The following SDR42E1 variants were observed in gnomAD, a reference collection of about 807,000 sequenced individuals.
The protein encoded by SDR42E1 is short chain dehydrogenase/reductase family 42E, member 1.
In SDR42E1, 5 loss-of-function variants were observed where a neutral mutation model predicts 2.6. The ratio of observed to expected loss-of-function variants is 1.94; its 90% CI spans 1.01 to 4.08. SDR42E1 has a LOEUF of 4.08. Ranked by LOEUF, SDR42E1 falls within the 30% of genes most tolerant of loss-of-function variation. SDR42E1 has a pLI of 0.00. For synonymous variants in SDR42E1, 231 were observed against 188.3 expected, an observed-to-expected ratio of 1.23 and a Z score of -1.86; for missense variants, 596 against 478.6, an observed-to-expected ratio of 1.25 and a Z score of -2.29.
intron 1 of SDR42E1, among the ~76,000 whole-genome samples, chr16:82,005,934 C>G (rs1912919567): frequency 1.3e-5 from 2 of 152,170 alleles, no homozygotes; most frequent in Non-Finnish European, 2.9e-5. Context: ...AAGTTGACAT[C>G]TCAAGGGAAG....
intron 1 of SDR42E1, among the ~76,000 whole-genome samples, chr16:82,004,590 T>G (rs1912874930): frequency 6.6e-6 from 1 of 152,206 alleles, no homozygotes; most frequent in Non-Finnish European, 1.5e-5. Context: ...AACCTTGATT[T>G]CCTGGCCTCA....
Position 81,999,174 on chromosome 16 carries a change from C to T in SDR42E1, c.1119G>A (p.Leu373=). ...DSECFVWDGL[L]VFLLIIAVLM... ...GAACTGCTATAATCAGGAGGAAGAC[C>T]AATAGCCCATCCCAAACAAAACACT... Residue 373 remains leucine, a synonymous_variant, in exon 3 of 3, where the codon TTG becomes TTA. Coordinates refer to ENST00000328945, the MANE Select transcript of SDR42E1 (RefSeq NM_145168.3). 1 of 1,614,162 alleles carries T rather than the reference C, an allele frequency of 6.2e-7. No individual in the cohort carries two copies. Among genetic ancestry groups the T allele is most frequent in the Non-Finnish European group, 8.5e-7 (1 of 1,180,044 alleles).
rs1383900719 is a variant in SDR42E1 at position 81,992,130 on chromosome 16, T to A, written c.*6981A>T. The A allele has an allele frequency of 6.6e-6, 1 of 152,096 alleles. No homozygotes were observed. Among genetic ancestry groups the A allele is most frequent in the Non-Finnish European group, 1.5e-5 (1 of 68,138 alleles). 9.4% of individuals were successfully genotyped at this position (152,096 alleles called of 1,614,324 possible). A position where few individuals can be genotyped will look rare whatever the true frequency, so the allele number is the denominator to read the frequency against. ...GAGATCACGCCATTGCACTCCAGCCTGGGCAACAAGAGCAAAACTCCATCT... is the reference window on the plus strand; with the variant it reads ...GAGATCACGCCATTGCACTCCAGCCAGGGCAACAAGAGCAAAACTCCATCT... On this transcript the variant is annotated 3_prime_UTR_variant, in exon 3 of 3. Coordinates refer to ENST00000328945, the MANE Select transcript of SDR42E1 (RefSeq NM_145168.3).
chr16:82,001,371 T>C (rs937390265), intron 1 of SDR42E1, among the ~76,000 whole-genome samples: 1 of 152,116 alleles, frequency 6.6e-6, no homozygotes, highest in Admixed American at 6.5e-5. Context: ...ATTAACCCTA[T>C]ACTTAAAAAA....
At chr16:82,006,285 A>G (rs1912931456) in intron 1 of SDR42E1, among the ~76,000 whole-genome samples, 1 of 152,234 alleles carries the variant, frequency 6.6e-6, no homozygotes, top group Non-Finnish European at 1.5e-5. Flanking sequence ...AGTGCTGACC[A>G]GAGGTAAAAG....
In SDR42E1 at chr16:81,996,556, T is replaced by C. The variant is rs1912545802; in HGVS notation, c.*2555A>G. The C allele has an allele frequency of 6.6e-6, 1 of 151,974 alleles. No individual in the cohort carries two copies. Among genetic ancestry groups the C allele is most frequent in the African/African-American group, 2.4e-5 (1 of 41,358 alleles). 9.4% of individuals were successfully genotyped at this position (151,974 alleles called of 1,614,324 possible). A position where few individuals can be genotyped will look rare whatever the true frequency, so the allele number is the denominator to read the frequency against. ...CTGACAGGTGCATGTGGGACATCCA[T>C]GTGGAGTTGCAGAAGTACTTAGATA... On this transcript the variant is annotated 3_prime_UTR_variant, in exon 3 of 3. Transcript: ENST00000328945.
At position 81,991,565 on chromosome 16, in the gene SDR42E1, G is replaced by C. The variant is rs1173028876; in HGVS notation, c.*7546C>G. The C allele has an allele frequency of 6.6e-6, 1 of 152,088 alleles. No individual in the cohort carries two copies. Among genetic ancestry groups the C allele is most frequent in the Non-Finnish European group, 1.5e-5 (1 of 68,076 alleles). The allele number at this position is 152,088 out of a possible 1,614,324, so 9.4% of individuals were successfully genotyped here. On this transcript the variant is annotated 3_prime_UTR_variant, in exon 3 of 3. Transcript: ENST00000328945. ...AACACCGTCTCTACAGAAAATAAAA[G>C]CTGGATGTGGTGGCATGCACCTGTA...
In SDR42E1 at chr16:81,990,579, T is replaced by C. The variant is rs1912404084; in HGVS notation, c.*8532A>G. The C allele has an allele frequency of 6.6e-6, 1 of 152,192 alleles. No homozygotes were observed. The highest frequency in any genetic ancestry group is 2.4e-5 in the African/African-American group (1 of 41,444). The allele number at this position is 152,192 out of a possible 1,614,324, so 9.4% of individuals were successfully genotyped here. A position where few individuals can be genotyped will look rare whatever the true frequency, so the allele number is the denominator to read the frequency against. ...ATTAAGGATCCATGTGCATAGTTCT[T>C]GTACAGGTTACAAAAGGCCTCTGTG... On this transcript the variant is annotated 3_prime_UTR_variant, in exon 3 of 3. Transcript: ENST00000328945.
Position 81,996,227 on chromosome 16 carries a change from G to A in SDR42E1, c.*2884C>T, listed in dbSNP as rs1912538307. On this transcript the variant is annotated 3_prime_UTR_variant, in exon 3 of 3. Coordinates refer to ENST00000328945, the MANE Select transcript of SDR42E1 (RefSeq NM_145168.3). ...TATAGAGTCTCTTGGCTAGGCATGT[G>A]GAGAATGGACTGAAGGAAGGAGGGT... 2 of 152,326 alleles carry A rather than the reference G, an allele frequency of 1.3e-5. No homozygotes were observed. Among genetic ancestry groups the A allele is most frequent in the Admixed American group, 1.3e-4 (2 of 15,292 alleles). The allele number at this position is 152,326 out of a possible 1,614,324, so 9.4% of individuals were successfully genotyped here.
chr16:81,989,433 GA>G lies in SDR42E1; in HGVS notation c.*9677del, dbSNP rs1284368815. ...TCCGTAATATTTTAACATTATATAA[GA>G]AAAATACATCTATGCATTATTTGTA... On this transcript the variant is annotated 3_prime_UTR_variant, in exon 3 of 3. Transcript: ENST00000328945. 2.6e-5 allele frequency: 4 copies of G among 152,096 alleles called. No individual in the cohort carries two copies. Among genetic ancestry groups the G allele is most frequent in the Non-Finnish European group, 1.5e-5 (1 of 68,004 alleles). The allele number at this position is 152,096 out of a possible 1,614,324, so 9.4% of individuals were successfully genotyped here. A position where few individuals can be genotyped will look rare whatever the true frequency, so the allele number is the denominator to read the frequency against.
rs568826600 is a variant in SDR42E1, at chr16:81,997,398, T to G, written c.*1713A>C. ...TTGTGTATTTCCTTCCCCTACTGAA[T>G]AGGATTGACCTGCATAACCAATATA... On this transcript the variant is annotated 3_prime_UTR_variant, in exon 3 of 3. Transcript: ENST00000328945. 1 of 152,300 alleles carries G rather than the reference T, an allele frequency of 6.6e-6. No individual in the cohort carries two copies. The highest frequency in any genetic ancestry group is 1.9e-4 in the East Asian group (1 of 5,170). The allele number at this position is 152,300 out of a possible 1,614,324, so 9.4% of individuals were successfully genotyped here. A position where few individuals can be genotyped will look rare whatever the true frequency, so the allele number is the denominator to read the frequency against.
At position 81,993,440 on chromosome 16, in the gene SDR42E1, T is replaced by C. The variant is rs1032011862; in HGVS notation, c.*5671A>G. The C allele has an allele frequency of 2.0e-5, 3 of 152,140 alleles. No homozygotes were observed. Among genetic ancestry groups the C allele is most frequent in the Non-Finnish European group, 4.4e-5 (3 of 68,046 alleles). 9.4% of individuals were successfully genotyped at this position (152,140 alleles called of 1,614,324 possible). A position where few individuals can be genotyped will look rare whatever the true frequency, so the allele number is the denominator to read the frequency against. ...TAGATGTAAGGAGTTCCTGAAATCA[T>C]TGGTTCTGATCATTCCCCTGCCCCC... On this transcript the variant is annotated 3_prime_UTR_variant, in exon 3 of 3. Transcript: ENST00000328945.
chr16:82,004,249 T>C (rs565086524), intron 1 of SDR42E1, among the ~76,000 whole-genome samples: 46 of 152,000 alleles, frequency 3.0e-4, no homozygotes, highest in African/African-American at 1.1e-3. Flanking sequence ...GAAGAGATCA[T>C]GGGAGAGTGA....
rs376864086 is a variant in SDR42E1 at position 81,999,516 on chromosome 16, G to A, written c.777C>T (p.Pro259=). 1.2e-4 allele frequency: 192 copies of A among 1,614,144 alleles called. No individual in the cohort carries two copies. The South Asian group carries it at 1.5e-3, about 12-fold the overall frequency. Residue 259 remains proline (P), a synonymous_variant, in exon 3 of 3, where the codon CCC becomes CCT. Coordinates refer to ENST00000328945, the MANE Select transcript of SDR42E1 (RefSeq NM_145168.3). ...GQPYFISDGR[P]VNNFEFFRPL... is the part of the protein sequence containing the mutation. ...GCCGGAAGAACTCAAAGTTGTTCAC[G>A]GGTCTGCCATCTGAGATGAAGTAGG...
Position 81,992,929 on chromosome 16 carries a change from T to C in SDR42E1, c.*6182A>G, listed in dbSNP as rs1363929408. ...GATACCAGGGACTGGTTGACTCTAT[T>C]TCTGGTTTGATTTTCAATAGCAAAA... is the stretch of plus-strand genomic sequence containing the variant. On this transcript the variant is annotated 3_prime_UTR_variant, in exon 3 of 3. Transcript: ENST00000328945. The C allele has an allele frequency of 6.6e-6, 1 of 152,122 alleles. No individual in the cohort carries two copies. The highest frequency in any genetic ancestry group is 1.5e-5 in the Non-Finnish European group (1 of 68,030). 9.4% of individuals were successfully genotyped at this position (152,122 alleles called of 1,614,324 possible). A position where few individuals can be genotyped will look rare whatever the true frequency, so the allele number is the denominator to read the frequency against.
chr16:82,006,459 G>T (rs868314265), intron 1 of SDR42E1, among the ~76,000 whole-genome samples: 2 of 152,146 alleles, frequency 1.3e-5, no homozygotes, highest in Non-Finnish European at 2.9e-5. Context: ...GAGGGATAAG[G>T]AGAAGAATTC....
rs1912638873 is a variant in SDR42E1 at position 81,999,198 on chromosome 16, C to T, written c.1095G>A (p.Glu365=). ...CCAATAGCCCATCCCAAACAAAACACTCCGAGTCACGACTTCCAGAACTTC... is the reference window on the plus strand; with the variant it reads ...CCAATAGCCCATCCCAAACAAAACATTCCGAGTCACGACTTCCAGAACTTC... ...HGRSSGSRDS[E]CFVWDGLLVF... is the part of the protein sequence containing the mutation. The change falls in exon 3 of 3, where the codon GAG becomes GAA. Residue 365 remains glutamate, a synonymous_variant. Coordinates refer to ENST00000328945, the MANE Select transcript of SDR42E1 (RefSeq NM_145168.3). 3 of 1,614,242 alleles carry T rather than the reference C, an allele frequency of 1.9e-6. No homozygotes were observed. Among genetic ancestry groups the T allele is most frequent in the South Asian group, 2.2e-5 (2 of 91,090 alleles).
At position 81,998,401 on chromosome 16, in the gene SDR42E1, A is replaced by C. The variant is rs957761091; in HGVS notation, c.*710T>G. 6.6e-6 allele frequency: 1 copy of C among 152,276 alleles called. No individual in the cohort carries two copies. The highest frequency in any genetic ancestry group is 1.5e-5 in the Non-Finnish European group (1 of 68,084). The allele number at this position is 152,276 out of a possible 1,614,324, so 9.4% of individuals were successfully genotyped here. On this transcript the variant is annotated 3_prime_UTR_variant, in exon 3 of 3. Transcript: ENST00000328945. The stretch of plus-strand genomic sequence containing the variant: ...TAGCCCTCTAAAGAGAACACTGAGG[A>C]AGAAAGCCCTCATAAGGAATGTACC...
Position 81,989,852 on chromosome 16 carries a change from G to A in SDR42E1, c.*9259C>T, listed in dbSNP as rs1005490039. On this transcript the variant is annotated 3_prime_UTR_variant, in exon 3 of 3. Coordinates refer to ENST00000328945, the MANE Select transcript of SDR42E1 (RefSeq NM_145168.3). ...ATCTCTACTAAAAATACAAAAATTA[G>A]CTGAGCGTGGTGGCGGGCACCTGTA... 6.6e-6 allele frequency: 1 copy of A among 152,122 alleles called. No individual in the cohort carries two copies. The highest frequency in any genetic ancestry group is 1.5e-5 in the Non-Finnish European group (1 of 68,066). 9.4% of individuals were successfully genotyped at this position (152,122 alleles called of 1,614,324 possible).
Sources: allele counts gnomAD v4.1 joint callset (sites outside exome capture counted in the v4.1 genomes callset), GRCh38; gene constraint gnomAD v4.1.1; transcripts MANE v1.5; gene names NCBI Gene and HGNC (gene_info 2026-07-23, HGNC 2026-07-21).